Variants in WWOX observed in about 807,000 individuals in gnomAD.
WWOX encodes WW domain containing oxidoreductase.
WWOX carries 69 observed loss-of-function variants against 46.2 expected under a neutral mutation model. The observed-to-expected ratio is 1.49, with a 90% CI of 1.23 to 1.82. The LOEUF is 1.82. Among genes scored for constraint, WWOX ranks in the 40% most tolerant of loss-of-function variants. The pLI, the probability that WWOX is intolerant of heterozygous loss-of-function variation, is 0.00. For missense variants in WWOX, 919 were observed against 542.6 expected (o/e 1.69, Z -6.89); for synonymous variants, 359 against 202.6 (o/e 1.77, Z -6.56).
rs184848058 is a variant in WWOX, at chr16:78,375,462, G to A, written c.517-11398G>A. On this transcript the variant is annotated intron_variant, in intron 5 of 8. Transcript: ENST00000566780. The stretch of plus-strand genomic sequence containing the variant: ...TCAATCATTCATTTTCTAAATTAAA[G>A]CCTGTCCTGAAAACGTGCTCAGTGC... 5.3e-5 allele frequency among the ~76,000 whole-genome samples: 8 copies of A among 152,334 alleles called. No individual in the cohort carries two copies. The East Asian group carries it at 1.5e-3, about 29-fold the overall frequency.
intron 8 of WWOX, among the ~76,000 whole-genome samples, chr16:78,902,667 A>T (rs1007248685): frequency 6.6e-6 from 1 of 152,224 alleles, no homozygotes; most frequent in Non-Finnish European, 1.5e-5. Flanking sequence ...CCGGCTCTGC[A>T]GGGAGGGCAA....
chr16:78,799,489 G>A (rs1384811263), intron 8 of WWOX, among the ~76,000 whole-genome samples: 6 of 152,126 alleles, frequency 3.9e-5, no homozygotes, highest in Non-Finnish European at 8.8e-5. Context: ...GGTATTTTAT[G>A]TTGTTTTAAA....
intron 8 of WWOX, among the ~76,000 whole-genome samples, chr16:78,720,662 T>C (rs981102783): frequency 2.0e-5 from 3 of 152,120 alleles, no homozygotes; most frequent in Admixed American, 1.3e-4. Flanking sequence ...TATGAGGCTC[T>C]GACTATATAA....
intron 8 of WWOX, among the ~76,000 whole-genome samples, chr16:79,035,175 C>G (rs1029012422): frequency 1.3e-5 from 2 of 152,092 alleles, no homozygotes; most frequent in Non-Finnish European, 2.9e-5. Context: ...TTTGCATGTG[C>G]CACTTTAATT....
intron 8 of WWOX, among the ~76,000 whole-genome samples, chr16:79,173,258 A>C (rs1045421702): frequency 6.6e-5 from 10 of 151,678 alleles, no homozygotes; most frequent in African/African-American, 2.4e-4. Flanking sequence ...AGAGTGGCAC[A>C]TTCCACAGGA....
chr16:79,081,608 C>G (rs1234560945), intron 8 of WWOX, among the ~76,000 whole-genome samples: 1 of 152,186 alleles, frequency 6.6e-6, no homozygotes, highest in Non-Finnish European at 1.5e-5. Context: ...TGAGCCTTCG[C>G]TTCCTCATTG....
chr16:78,654,573 C>T (rs1289398178), intron 8 of WWOX, among the ~76,000 whole-genome samples: 10 of 152,116 alleles, frequency 6.6e-5, no homozygotes, highest in African/African-American at 2.2e-4. Context: ...ATTCTGATTT[C>T]TCCGTGATAT....
intron 8 of WWOX, among the ~76,000 whole-genome samples, chr16:78,774,370 C>T (rs945072514): frequency 6.6e-6 from 1 of 152,144 alleles, no homozygotes; most frequent in African/African-American, 2.4e-5. Flanking sequence ...CACTGCACTC[C>T]AGTCTGGTGA....
At chr16:78,509,902 A>G (rs375954938) in intron 8 of WWOX, among the ~76,000 whole-genome samples, 3 of 148,766 alleles carry the variant, frequency 2.0e-5, no homozygotes, top group Admixed American at 6.9e-5. Context: ...AGCCCAGGCA[A>G]CATAGTGAGA....
intron 8 of WWOX, among the ~76,000 whole-genome samples, chr16:78,967,269 C>G (rs1006209122): frequency 6.8e-5 from 10 of 147,270 alleles, no homozygotes; most frequent in African/African-American, 2.5e-4. Flanking sequence ...GAGGCAACTA[C>G]TCCTGCCTGC....
intron 8 of WWOX, among the ~76,000 whole-genome samples, chr16:78,583,074 G>A (rs1012456963): frequency 6.6e-5 from 10 of 152,246 alleles, no homozygotes; most frequent in African/African-American, 2.2e-4. Flanking sequence ...TCTCCGAGCA[G>A]AGCTCTTGAA....
intron 8 of WWOX, among the ~76,000 whole-genome samples, chr16:78,788,047 C>G (rs907253693): frequency 1.3e-5 from 2 of 151,958 alleles, no homozygotes; most frequent in African/African-American, 4.8e-5. Context: ...GATACTAGAC[C>G]CTTATCGTAT....
chr16:78,679,446 G>T (rs28671261), intron 8 of WWOX, among the ~76,000 whole-genome samples: 15,886 of 152,218 alleles, frequency 0.1, 1,002 homozygotes, highest in East Asian at 0.17. Flanking sequence ...AGCTACTTGT[G>T]AGGCTGAGGC....
At chr16:78,516,715 C>G (rs996370276) in intron 8 of WWOX, among the ~76,000 whole-genome samples, 2 of 152,124 alleles carry the variant, frequency 1.3e-5, no homozygotes, top group South Asian at 4.1e-4. Context: ...CTGAAATGAT[C>G]CTTACTTAGC....
intron 8 of WWOX, among the ~76,000 whole-genome samples, chr16:78,556,329 C>A (rs1053254260): frequency 2.0e-5 from 3 of 151,616 alleles, no homozygotes; most frequent in Admixed American, 6.6e-5. Context: ...GAACGCTTGG[C>A]TTGCTGGCTG....
intron 5 of WWOX, among the ~76,000 whole-genome samples, chr16:78,371,776 C>A (rs2081695582): frequency 6.6e-6 from 1 of 151,184 alleles, no homozygotes. Context: ...TCAAAATGTT[C>A]CTGATGTTTT....
At chr16:78,398,661 G>T (rs532687143) in intron 6 of WWOX, among the ~76,000 whole-genome samples, 1 of 152,234 alleles carries the variant, frequency 6.6e-6, no homozygotes, top group East Asian at 1.9e-4. Flanking sequence ...AGAAACTTTG[G>T]CTAATACATC....
chr16:78,407,864 A>T (rs1029205239), intron 6 of WWOX, among the ~76,000 whole-genome samples: 11 of 152,236 alleles, frequency 7.2e-5, no homozygotes, highest in African/African-American at 2.2e-4. Flanking sequence ...CTTCCTATGG[A>T]CATTGATTAC....
At chr16:79,036,682 C>A (rs181002903) in intron 8 of WWOX, among the ~76,000 whole-genome samples, 3 of 152,218 alleles carry the variant, frequency 2.0e-5, no homozygotes, top group Admixed American at 6.5e-5. Context: ...GAGGCTGTAC[C>A]TGCACTTGAT....
Sources: allele counts gnomAD v4.1 joint callset (sites outside exome capture counted in the v4.1 genomes callset), GRCh38; gene constraint gnomAD v4.1.1; transcripts MANE v1.5; gene names NCBI Gene and HGNC (gene_info 2026-07-23, HGNC 2026-07-21).